TMEM132E: variants seen among roughly 807,000 people sequenced by gnomAD.
The protein encoded by TMEM132E is transmembrane protein 132E.
Under a neutral mutation model 78.5 loss-of-function variants are expected in TMEM132E, and 49 were observed. The ratio of observed to expected loss-of-function variants is 0.62; its 90% CI spans 0.50 to 0.79. TMEM132E has a LOEUF of 0.79. TMEM132E is among the 30% of genes least tolerant of loss of function. TMEM132E has a pLI of 0.00. For missense variants in TMEM132E, 1,403 were observed against 1,470.9 expected (o/e 0.95, Z 0.75); for synonymous variants, 715 against 670.6 (o/e 1.07, Z -1.02).
chr17:34,596,664 A>G (rs1329925866), intron 1 of TMEM132E, among the ~76,000 whole-genome samples: 1 of 151,914 alleles, frequency 6.6e-6, no homozygotes, highest in African/African-American at 2.4e-5. Context: ...GGCTATTCCC[A>G]AGGGTCTCCC....
chr17:34,627,477 T>TGCGCGCACGCGCGCGCGCGCGC (rs764096160), intron 2 of TMEM132E, among the ~76,000 whole-genome samples: 67 of 149,474 alleles, frequency 4.5e-4, no homozygotes, highest in African/African-American at 1.7e-3. Flanking sequence ...CGTGTGTGTG[T>TGCGCGCACGCGCGCGCGCGCGC]GTGTGTGTGT....
chr17:34,623,846 G>C (rs1907040470), intron 1 of TMEM132E, among the ~76,000 whole-genome samples: 1 of 152,158 alleles, frequency 6.6e-6, no homozygotes, highest in African/African-American at 2.4e-5. Context: ...CATTCCCCAG[G>C]CTGCAGGGAC....
At chr17:34,615,552 T>TGTGTGTGTGTGTGTG (rs57984755) in intron 1 of TMEM132E, among the ~76,000 whole-genome samples, 3 of 149,078 alleles carry the variant, frequency 2.0e-5, no homozygotes, top group East Asian at 2.0e-4. Context: ...TGTGTGTGTG[T>TGTGTGTGTGTGTGTG]TAGCACAACC....
intron 1 of TMEM132E, among the ~76,000 whole-genome samples, chr17:34,602,767 A>C (rs896139361): frequency 6.6e-6 from 1 of 152,190 alleles, no homozygotes; most frequent in African/African-American, 2.4e-5. Flanking sequence ...CAGCAGGATT[A>C]GTGTCCACGA....
rs1362130073 is a variant in TMEM132E at position 34,632,813 on chromosome 17, C to T, written c.1592C>T (p.Thr531Ile). 9 of 1,614,096 alleles carry T rather than the reference C, an allele frequency of 5.6e-6. No homozygotes were observed. The highest frequency in any genetic ancestry group is 6.8e-6 in the Non-Finnish European group (8 of 1,180,038). Residue 531 changes from threonine to isoleucine, a missense_variant, in exon 6 of 9, where the codon ACA (threonine) becomes ATA (isoleucine). Thr to Ile is a moderately conservative substitution (Grantham distance 89). Around this residue, in one of 3 missense-constraint regions of TMEM132E, gnomAD observed 888 missense variants for 952.8 expected, o/e 0.93. Coordinates refer to ENST00000631683, the MANE Select transcript of TMEM132E (RefSeq NM_001304438.2). Reference protein sequence around the residue: ...YDVLNAPLEMTVWVPKLPLHI... With the variant: ...YDVLNAPLEMIVWVPKLPLHI... ...GTCCTCAATGCTCCCCTGGAAATGA[C>T]AGTCTGGGTCCCCAAGCTGCCCTTG...
intron 7 of TMEM132E, 188 bp from the exon 8 acceptor site, chr17:34,635,819 T>C: frequency 2.2e-6 from 1 of 461,088 alleles, no homozygotes; most frequent in Non-Finnish European, 3.6e-6. Flanking sequence ...CCCCCGACCC[T>C]CTCATGACCT....
In TMEM132E at chr17:34,634,847, G is replaced by A. The variant is rs758848502; in HGVS notation, c.1737G>A (p.Arg579=). The A allele has an allele frequency of 2.5e-6, 4 of 1,614,032 alleles. No individual in the cohort carries two copies. The highest frequency in any genetic ancestry group is 3.3e-5 in the Admixed American group (2 of 60,020). The change falls in exon 7 of 9, where the codon CGG becomes CGA. Residue 579 remains arginine, a synonymous_variant. Coordinates refer to ENST00000631683, the MANE Select transcript of TMEM132E (RefSeq NM_001304438.2). Reference sequence around the variant, plus strand: ...AGGATGAGGAGGAGGAGGAGCGGCGGCAGAGTGCAAGCCGTGGCTGCACCC... The same window carrying A: ...AGGATGAGGAGGAGGAGGAGCGGCGACAGAGTGCAAGCCGTGGCTGCACCC... ...EDEDEEEEER[R]QSASRGCTLQ...
intron 1 of TMEM132E, among the ~76,000 whole-genome samples, chr17:34,597,341 C>T (rs895615927): frequency 3.9e-5 from 6 of 151,996 alleles, no homozygotes; most frequent in African/African-American, 1.5e-4. Flanking sequence ...GTCTAGCTTT[C>T]CTTGTTCTGC....
chr17:34,627,180 C>T, intron 2 of TMEM132E, 123 bp downstream of exon 2: 1 of 1,099,982 alleles, frequency 9.1e-7, no homozygotes, highest in South Asian at 1.5e-5. Flanking sequence ...GCATCCTAAT[C>T]CCGGATCTGT....
At chr17:34,624,665 C>T (rs1364445557) in intron 1 of TMEM132E, among the ~76,000 whole-genome samples, 1 of 152,132 alleles carries the variant, frequency 6.6e-6, no homozygotes, top group Non-Finnish European at 1.5e-5. Flanking sequence ...TGTCCAGTTA[C>T]GCCACCAGCA....
At position 34,634,940 on chromosome 17, in the gene TMEM132E, C is replaced by T. The variant is rs1907467723; in HGVS notation, c.1830C>T (p.Asp610=). 5 of 1,614,098 alleles carry T rather than the reference C, an allele frequency of 3.1e-6. No homozygotes were observed. Among genetic ancestry groups the T allele is most frequent in the South Asian group, 1.1e-5 (1 of 91,090 alleles). Residue 610 remains aspartate, a synonymous_variant, in exon 7 of 9, where the codon GAC becomes GAT. Coordinates refer to ENST00000631683, the MANE Select transcript of TMEM132E (RefSeq NM_001304438.2). ...ACACGACATCATCCGAGGGCACTGA[C>T]CAGGTGGTCACCATGTTAGGCCCGG... ...QFHTTSSEGT[D]QVVTMLGPDW... is the part of the protein sequence containing the mutation.
chr17:34,608,480 A>G (rs1177177275), intron 1 of TMEM132E, among the ~76,000 whole-genome samples: 1 of 152,248 alleles, frequency 6.6e-6, no homozygotes, highest in Non-Finnish European at 1.5e-5. Flanking sequence ...GGCACATGCA[A>G]GAACCCAGTG....
intron 2 of TMEM132E, among the ~76,000 whole-genome samples, chr17:34,627,467 C>CGTGTGCGCGTGTGTGTGTGTGT (rs146318983): frequency 1.6e-5 from 2 of 126,470 alleles, no homozygotes; most frequent in African/African-American, 6.0e-5. Context: ...CCAAAAGAAT[C>CGTGTGCGCGTGTGTGTGTGTGT]GTGTGTGTGT....
At chr17:34,594,216 A>G (rs1905979327) in intron 1 of TMEM132E, among the ~76,000 whole-genome samples, 1 of 152,222 alleles carries the variant, frequency 6.6e-6, no homozygotes, top group Admixed American at 6.5e-5. Flanking sequence ...GGCCTGGCAC[A>G]GAGGAGATGC....
At chr17:34,610,996 A>G (rs1282182825) in intron 1 of TMEM132E, among the ~76,000 whole-genome samples, 1 of 152,244 alleles carries the variant, frequency 6.6e-6, no homozygotes, top group Non-Finnish European at 1.5e-5. Flanking sequence ...ATCCAGTGCC[A>G]TATTGGGTCC....
chr17:34,583,403 G>A (rs918294287), intron 1 of TMEM132E, among the ~76,000 whole-genome samples: 1 of 152,186 alleles, frequency 6.6e-6, no homozygotes, highest in African/African-American at 2.4e-5. Flanking sequence ...TAAAACTTGG[G>A]GGATCCCCCA....
At chr17:34,613,070 C>T (rs1906644462) in intron 1 of TMEM132E, among the ~76,000 whole-genome samples, 1 of 151,464 alleles carries the variant, frequency 6.6e-6, no homozygotes, top group Admixed American at 6.6e-5. Context: ...GAGGTGGTTC[C>T]CCAGCTTCCC....
intron 2 of TMEM132E, 40 bp from the exon 3 acceptor site, chr17:34,628,523 G>T: frequency 6.2e-7 from 1 of 1,611,416 alleles, no homozygotes; most frequent in Non-Finnish European, 8.5e-7. Flanking sequence ...TTGGGCTGTA[G>T]CCTGACCCTC....
chr17:34,590,956 C>T (rs1002819423), intron 1 of TMEM132E, among the ~76,000 whole-genome samples: 5 of 150,340 alleles, frequency 3.3e-5, no homozygotes, highest in Non-Finnish European at 5.9e-5. Flanking sequence ...TCATCTGAGG[C>T]GCCACCCCAT....
Sources: gnomAD v4.1 joint callset for allele counts (sites outside exome capture counted in the v4.1 genomes callset) on GRCh38, gnomAD v4.1.1 for gene constraint, gnomAD v4.1.1 regional missense constraint, MANE v1.5 for transcripts, NCBI Gene and HGNC (gene_info 2026-07-23, HGNC 2026-07-21) for gene names.